MYH14: variants seen among roughly 807,000 people sequenced by gnomAD.
MYH14 encodes the protein myosin heavy chain 14.
Under a neutral mutation model 255.5 loss-of-function variants are expected in MYH14, and 123 were observed. The observed-to-expected ratio is 0.48, with a 90% confidence interval of 0.42 to 0.56. MYH14 has a LOEUF of 0.56. Among genes scored for constraint, MYH14 ranks in the 20% least tolerant of loss-of-function variants. MYH14 has a pLI of 0.00. For synonymous variants in MYH14, 1,095 were observed against 1,161.2 expected (o/e 0.94, Z 1.16); for missense variants, 2,423 against 2,802.3 (o/e 0.86, Z 3.06).
intron 17 of MYH14, 45 bp downstream of exon 17, chr19:50,255,363 A>C (rs771625199): frequency 2.8e-6 from 4 of 1,446,288 alleles, no homozygotes; most frequent in African/African-American, 2.8e-5. Context: ...CTGGAGGAGG[A>C]GGGTGGACCT....
Position 50,260,719 on chromosome 19 carries a change from A to G in MYH14, c.2424+4A>G, listed in dbSNP as rs2034794254. The G allele has an allele frequency of 6.2e-7, 1 of 1,608,808 alleles. No individual in the cohort carries two copies. On this transcript the variant is annotated splice_donor_region_variant and intron_variant, in intron 20 of 42. Coordinates refer to ENST00000642316, the MANE Select transcript of MYH14 (RefSeq NM_001145809.2). ...GAAGCAGGCCTGTGAAAAGATGGTGAGTGGGGCAGAGCCTGGAATGCGTGT... is the reference window on the plus strand; with the variant it reads ...GAAGCAGGCCTGTGAAAAGATGGTGGGTGGGGCAGAGCCTGGAATGCGTGT...
At chr19:50,308,872 C>A in intron 41 of MYH14, 133 bp from the exon 42 acceptor site, 1 of 884,560 alleles carries the variant, frequency 1.1e-6, no homozygotes, top group Non-Finnish European at 1.7e-6. Flanking sequence ...AAGAACAAGG[C>A]CTAAACAGAG....
rs376021137 is a variant in MYH14, at chr19:50,291,048, G to A, written c.5127G>A (p.Gln1709=). Reference sequence around the variant, plus strand: ...CGGTGAAGCAGCTTCGCAAGATGCAGGTAAGAGCCGGCGTGAGCTGCAGGG... The same window carrying A: ...CGGTGAAGCAGCTTCGCAAGATGCAAGTAAGAGCCGGCGTGAGCTGCAGGG... ...EEAVKQLRKM[Q]AQMKELWREV... is the part of the protein sequence containing the mutation. Residue 1709 remains glutamine (Q), a splice_region_variant and synonymous_variant, in exon 36 of 43, where the codon CAG becomes CAA. Coordinates refer to ENST00000642316, the MANE Select transcript of MYH14 (RefSeq NM_001145809.2). 2.1e-5 allele frequency: 34 copies of A among 1,612,556 alleles called. No individual in the cohort carries two copies. In the African/African-American group the frequency reaches 3.7e-4, roughly 18 times the overall value.
At chr19:50,216,720 A>T (rs993172018) in intron 2 of MYH14, among the ~76,000 whole-genome samples, 1 of 152,038 alleles carries the variant, frequency 6.6e-6, no homozygotes, top group Admixed American at 6.6e-5. Flanking sequence ...TGCAGATACC[A>T]CAGGCACCCT....
At chr19:50,218,496 G>T (rs1008653705) in intron 3 of MYH14, among the ~76,000 whole-genome samples, 2 of 151,952 alleles carry the variant, frequency 1.3e-5, no homozygotes, top group Non-Finnish European at 2.9e-5. Context: ...TACTCGGGAG[G>T]CTGAGGCAGG....
Position 50,225,580 on chromosome 19 carries a change from G to T in MYH14, c.718-5G>T, listed in dbSNP as rs545741529. ...ACCTCATGCATCATCTCCTGTGCCC[G>T]GCAGGGTGAGCTGGAGCGGCAGCTG... On this transcript the variant is annotated splice_polypyrimidine_tract_variant and splice_region_variant and intron_variant, in intron 6 of 42. Transcript: ENST00000642316. The T allele has an allele frequency of 1.9e-6, 3 of 1,612,284 alleles. No individual in the cohort carries two copies. The highest frequency in any genetic ancestry group is 2.5e-6 in the Non-Finnish European group (3 of 1,179,308).
intron 2 of MYH14, among the ~76,000 whole-genome samples, chr19:50,213,634 C>T (rs1050483336): frequency 1.3e-5 from 2 of 152,172 alleles, no homozygotes; most frequent in Non-Finnish European, 2.9e-5. Flanking sequence ...CCTGCTTTCT[C>T]TGCTGGGTGC....
intron 2 of MYH14, among the ~76,000 whole-genome samples, chr19:50,216,839 G>A (rs925599624): frequency 7.3e-5 from 9 of 122,824 alleles, no homozygotes; most frequent in East Asian, 2.3e-4. Flanking sequence ...ACAGAGTCTC[G>A]CTCTGTTGCC....
chr19:50,263,501 C>T (rs71355133), intron 22 of MYH14, 81 bp downstream of exon 22: 1 of 931,646 alleles, frequency 1.1e-6, no homozygotes, highest in Non-Finnish European at 1.6e-6. Context: ...GTGACTTCCT[C>T]CATGTGGGCC....
intron 1 of MYH14, chr19:50,205,565 G>C (rs979993729): frequency 2.6e-5 from 4 of 152,360 alleles, no homozygotes; most frequent in Non-Finnish European, 5.9e-5. Context: ...GTAGCCCCGA[G>C]GATCTGCGAG....
chr19:50,276,814 C>A lies in MYH14; in HGVS notation c.3738C>A (p.Arg1246=). The A allele has an allele frequency of 6.2e-7, 1 of 1,613,116 alleles. No individual in the cohort carries two copies. The highest frequency in any genetic ancestry group is 1.1e-5 in the South Asian group (1 of 91,034). ...AGAAGACTCTGGAGGAGGAGACTCGCATCCACGAGGCGGCAGTGCAGGAGC... is the reference window on the plus strand; with the variant it reads ...AGAAGACTCTGGAGGAGGAGACTCGAATCCACGAGGCGGCAGTGCAGGAGC... The part of the protein sequence containing the change: ...ELKKTLEEET[R]IHEAAVQELR... The change falls in exon 29 of 43, where the codon CGC becomes CGA. Residue 1246 remains arginine (R), a synonymous_variant. Coordinates refer to ENST00000642316, the MANE Select transcript of MYH14 (RefSeq NM_001145809.2). The surrounding 1 kb of genome is among the most constrained non-coding windows in gnomAD (Gnocchi z 4.3).
rs758354733 is a variant in MYH14, at chr19:50,281,828, C to T, written c.4525C>T (p.Arg1509Cys). ...TGTGAGCACCCTGGAGAAGAAGCAG[C>T]GCAAGTTTGACCAGGTGGGGCACCT... ...QLVSTLEKKQ[R>C]KFDQLLAEEK... is the part of the protein sequence containing the mutation. The change falls in exon 33 of 43, where the codon CGC (arginine) becomes TGC (cysteine). Residue 1509 changes from arginine (R) to cysteine (C), a missense_variant. Transcript: ENST00000642316. The T allele has an allele frequency of 9.3e-6, 15 of 1,611,232 alleles. No homozygotes were observed. The Admixed American group carries it at 1.7e-4, about 18-fold the overall frequency.
intron 12 of MYH14, 99 bp downstream of exon 12, chr19:50,247,221 T>G: frequency 4.9e-6 from 4 of 812,144 alleles, no homozygotes; most frequent in Non-Finnish European, 6.1e-6. Flanking sequence ...CTCAACAGAC[T>G]TTTGCTGAGT....
rs2032130922 is a variant in MYH14, at chr19:50,210,568, C to T, written c.203C>T (p.Ala68Val). The T allele has an allele frequency of 6.3e-7, 1 of 1,579,918 alleles. No homozygotes were observed. Among genetic ancestry groups the T allele is most frequent in the East Asian group, 2.3e-5 (1 of 42,900 alleles). ...VPSELHGFEA[A>V]ALRDEGEEEA... The stretch of plus-strand genomic sequence containing the variant: ...TCGGAGCTTCACGGGTTCGAGGCGG[C>T]GGCGCTGCGGGACGAAGGCGAGGAG... Residue 68 changes from alanine to valine, a missense_variant, in exon 2 of 43, where the codon GCG becomes GTG. Transcript: ENST00000642316.
chr19:50,225,911 C>T (rs2033075506), intron 7 of MYH14, among the ~76,000 whole-genome samples: 1 of 39,846 alleles, frequency 2.5e-5, no homozygotes, highest in African/African-American at 1.1e-4. Flanking sequence ...GGGCCTGAAC[C>T]TCTGGGTCTG....
intron 10 of MYH14, among the ~76,000 whole-genome samples, chr19:50,240,886 C>A (rs1450057289): frequency 6.6e-6 from 1 of 152,172 alleles, no homozygotes; most frequent in Non-Finnish European, 1.5e-5. Flanking sequence ...CCTATGTGAG[C>A]TGGGTGATCT....
At chr19:50,260,745 G>T in intron 20 of MYH14, 30 bp downstream of exon 20, 1 of 1,470,392 alleles carries the variant, frequency 6.8e-7, no homozygotes, top group Non-Finnish European at 9.2e-7. Context: ...GAATGCGTGT[G>T]TGCGTGTGTG....
chr19:50,231,876 G>A (rs2123237013), intron 9 of MYH14, 54 bp from the exon 10 acceptor site: 1 of 1,606,812 alleles, frequency 6.2e-7, no homozygotes, highest in Non-Finnish European at 8.5e-7. Flanking sequence ...AATCCAGGAT[G>A]AGTCTGACTG....
intron 10 of MYH14, among the ~76,000 whole-genome samples, chr19:50,232,713 G>A (rs938324464): frequency 1.3e-5 from 2 of 151,520 alleles, no homozygotes; most frequent in African/African-American, 4.8e-5. Context: ...GGGGATGTTT[G>A]AACGAAGTCC....
Sources: allele counts gnomAD v4.1 joint callset (sites outside exome capture counted in the v4.1 genomes callset), GRCh38; gene constraint gnomAD v4.1.1; non-coding constraint Gnocchi (gnomAD v3.1); transcripts MANE v1.5; gene names NCBI Gene and HGNC (gene_info 2026-07-23, HGNC 2026-07-21).